MGST3: variants seen among roughly 807,000 people sequenced by gnomAD.
MGST3 encodes microsomal glutathione S-transferase 3, also known as glutathione S-transferase 3, mitochondrial.
Under a neutral mutation model 15.8 loss-of-function variants are expected in MGST3, and 13 were observed. That is an observed-to-expected ratio of 0.82 (90% CI 0.54 to 1.31). The LOEUF is 1.31. Among genes scored for constraint, MGST3 ranks in the 50% most tolerant of loss-of-function variants. The probability of loss-of-function intolerance (pLI) is 0.00; values close to 1 mark genes in which losing one functional copy is unlikely to be tolerated. For synonymous variants in MGST3, 49 were observed against 68.1 expected, an observed-to-expected ratio of 0.72 and a Z score of 1.38; for missense variants, 155 against 192.4, an observed-to-expected ratio of 0.81 and a Z score of 1.15.
In MGST3 at chr1:165,655,592, C is replaced by T; in HGVS notation, c.*88C>T. 6.6e-7 allele frequency: 1 copy of T among 1,510,126 alleles called. No homozygotes were observed. 93.5% of individuals were successfully genotyped at this position (1,510,126 alleles called of 1,614,324 possible). ...ATTTTTTTTCTAAATATAATAAAAA[C>T]TTACCTGGCATCAGCCTCATACCTA... On this transcript the variant is annotated 3_prime_UTR_variant, in exon 6 of 6. Transcript: ENST00000367889.
chr1:165,650,938 T>G, intron 2 of MGST3, 76 bp from the exon 3 acceptor site: 1 of 1,279,556 alleles, frequency 7.8e-7, no homozygotes, highest in Non-Finnish European at 1.1e-6. Flanking sequence ...AATATATTGT[T>G]TTTAAGGTTC....
At chr1:165,652,152 T>G (rs1020668755) in intron 4 of MGST3, 117 bp downstream of exon 4, 18 of 784,340 alleles carry the variant, frequency 2.3e-5, no homozygotes, top group Non-Finnish European at 3.6e-5. Flanking sequence ...CACTGCATAT[T>G]TAAAAGGATT....
intron 1 of MGST3, among the ~76,000 whole-genome samples, chr1:165,638,421 C>T (rs1280394302): frequency 6.6e-6 from 1 of 151,812 alleles, no homozygotes; most frequent in East Asian, 1.9e-4. Flanking sequence ...GCAGTGAGCC[C>T]TGATTGTGCC....
intron 1 of MGST3, among the ~76,000 whole-genome samples, chr1:165,644,971 G>A (rs1648358583): frequency 6.6e-6 from 1 of 152,036 alleles, no homozygotes; most frequent in Non-Finnish European, 1.5e-5. Flanking sequence ...ATGTTGGCCA[G>A]GCTGGTTTTG....
Position 165,648,048 on chromosome 1 carries a change from A to G in MGST3, c.-7-1793A>G, listed in dbSNP as rs112464086. ...TTCAGTCATTTTTATTTATTTTCAA[A>G]GAGGTGTTCAGAATTCACACTCTGT... On this transcript the variant is annotated intron_variant, in intron 1 of 5. Coordinates refer to ENST00000367889, the MANE Select transcript of MGST3 (RefSeq NM_004528.4). Among the ~76,000 whole-genome samples the G allele has an allele frequency of 4.6e-3, 699 of 152,348 alleles. 5 individuals carry two copies. Among genetic ancestry groups the G allele is most frequent in the African/African-American group, 0.016 (664 of 41,574 alleles).
intron 1 of MGST3, chr1:165,647,179 C>T (rs900635965): frequency 6.6e-6 from 1 of 152,212 alleles, no homozygotes; most frequent in African/African-American, 2.4e-5. Context: ...GAGTAACTTT[C>T]ACTAGGGTGC....
In MGST3 at chr1:165,654,264, G is replaced by A; in HGVS notation, c.250-15G>A. On this transcript the variant is annotated splice_polypyrimidine_tract_variant and intron_variant, in intron 4 of 5. Transcript: ENST00000367889. The stretch of plus-strand genomic sequence containing the variant: ...TTTCTTTCATGCAAATACTAATGTA[G>A]CCCTTTTTTCTTAGCGTATAGCTTC... 1 of 1,613,310 alleles carries A rather than the reference G, an allele frequency of 6.2e-7. No individual in the cohort carries two copies. The highest frequency in any genetic ancestry group is 8.5e-7 in the Non-Finnish European group (1 of 1,179,296).
intron 1 of MGST3, among the ~76,000 whole-genome samples, chr1:165,644,790 G>T (rs1421365429): frequency 6.6e-6 from 1 of 151,874 alleles, no homozygotes; most frequent in Non-Finnish European, 1.5e-5. Flanking sequence ...ACAGAGTCTT[G>T]CTGGGTCTCC....
At chr1:165,641,662 G>A (rs954407393) in intron 1 of MGST3, among the ~76,000 whole-genome samples, 1 of 152,166 alleles carries the variant, frequency 6.6e-6, no homozygotes, top group African/African-American at 2.4e-5. Context: ...AAACCACACT[G>A]TGATATAAAT....
intron 1 of MGST3, among the ~76,000 whole-genome samples, chr1:165,642,504 G>T (rs1386600113): frequency 6.6e-6 from 1 of 152,198 alleles, no homozygotes; most frequent in Non-Finnish European, 1.5e-5. Flanking sequence ...TAAAATGGCA[G>T]TTATAAATTC....
chr1:165,645,544 C>A (rs1248879051), intron 1 of MGST3: 1 of 152,100 alleles, frequency 6.6e-6, no homozygotes, highest in African/African-American at 2.4e-5. Flanking sequence ...CTACATAAAC[C>A]AGTAACTGTC....
At chr1:165,648,222 C>A (rs1042686792) in intron 1 of MGST3, among the ~76,000 whole-genome samples, 2 of 152,260 alleles carry the variant, frequency 1.3e-5, no homozygotes, top group Non-Finnish European at 2.9e-5. Context: ...ACCTGTGGAA[C>A]CAGCCCGCTG....
chr1:165,633,815 G>C (rs893642210), intron 1 of MGST3, among the ~76,000 whole-genome samples: 3 of 151,812 alleles, frequency 2.0e-5, no homozygotes, highest in African/African-American at 7.3e-5. Context: ...AATGACTCTT[G>C]GTTCCTATGT....
rs9333417 is a variant in MGST3, at chr1:165,640,796, G to T, written c.-7-9045G>T. ...AAGAGCACATAGTCCATCTAGAGAG[G>T]TATACTATATTCAATGCCACACAAA... On this transcript the variant is annotated intron_variant, in intron 1 of 5. Coordinates refer to ENST00000367889, the MANE Select transcript of MGST3 (RefSeq NM_004528.4). 9.8e-3 allele frequency among the ~76,000 whole-genome samples: 1,497 copies of T among 152,266 alleles called. 52 individuals carry two copies. The highest frequency in any genetic ancestry group is 0.059 in the Admixed American group (906 of 15,288).
chr1:165,634,725 C>T (rs560203111), intron 1 of MGST3, among the ~76,000 whole-genome samples: 3 of 151,356 alleles, frequency 2.0e-5, no homozygotes, highest in African/African-American at 4.9e-5. Context: ...CACTCGTGCT[C>T]TCTCTCAATC....
At chr1:165,635,875 A>C (rs1213025299) in intron 1 of MGST3, 1 of 152,210 alleles carries the variant, frequency 6.6e-6, no homozygotes, top group Non-Finnish European at 1.5e-5. Flanking sequence ...GCCTTACTTG[A>C]ACCAGTAATC....
At chr1:165,646,525 C>T (rs545216856) in intron 1 of MGST3, 36 of 152,288 alleles carry the variant, frequency 2.4e-4, no homozygotes, top group African/African-American at 7.9e-4. Flanking sequence ...AGTCATAAAC[C>T]AGTCTTTCTT....
chr1:165,633,087 T>C (rs933444556), intron 1 of MGST3, among the ~76,000 whole-genome samples: 1 of 152,244 alleles, frequency 6.6e-6, no homozygotes, highest in Non-Finnish European at 1.5e-5. Flanking sequence ...TTTCGAAGAA[T>C]ATACTGCTAC....
intron 1 of MGST3, among the ~76,000 whole-genome samples, chr1:165,645,127 T>C (rs2101719958): frequency 6.6e-6 from 1 of 152,288 alleles, no homozygotes; most frequent in African/African-American, 2.4e-5. Context: ...ACTTTTTTTA[T>C]TTTTAAAGAA....
Sources: gnomAD v4.1 joint callset for allele counts (sites outside exome capture counted in the v4.1 genomes callset) on GRCh38, gnomAD v4.1.1 for gene constraint, MANE v1.5 for transcripts, NCBI Gene and HGNC (gene_info 2026-07-23, HGNC 2026-07-21) for gene names.